UBE2F: variants seen among roughly 807,000 people sequenced by gnomAD.
UBE2F encodes the protein ubiquitin conjugating enzyme E2 F (putative).
UBE2F carries 5 observed loss-of-function variants against 29.6 expected under a neutral mutation model. That is an observed-to-expected ratio of 0.17 (90% confidence interval 0.09 to 0.36). The LOEUF is 0.36. UBE2F is among the 10% of genes least tolerant of loss of function. The pLI is 1.00. For missense variants in UBE2F, 141 were observed against 228.5 expected, an observed-to-expected ratio of 0.62 and a Z score of 2.47; for synonymous variants, 66 against 81.8, an observed-to-expected ratio of 0.81 and a Z score of 1.04.
chr2:238,042,382 CCTT>C lies in UBE2F; in HGVS notation c.*1050_*1052del, dbSNP rs1373758965. 1 of 152,270 alleles carries C rather than the reference CCTT, an allele frequency of 6.6e-6. No homozygotes were observed. The highest frequency in any genetic ancestry group is 1.5e-5 in the Non-Finnish European group (1 of 68,068). The allele number at this position is 152,270 out of a possible 1,614,324, so 9.4% of individuals were successfully genotyped here. ...GATGTCACTGAGACTGTACCTGTGG[CCTT>C]CTTCTGAGTTTGCTATGGCTCCAGG... is the stretch of plus-strand genomic sequence containing the variant. On this transcript the variant is annotated 3_prime_UTR_variant, in exon 10 of 10. Transcript: ENST00000272930.
chr2:238,038,474 G>A (rs1489448019), intron 9 of UBE2F, among the ~76,000 whole-genome samples: 2 of 152,214 alleles, frequency 1.3e-5, no homozygotes, highest in African/African-American at 4.8e-5. Flanking sequence ...ACCCCTTGCA[G>A]GCATTCATGG....
intron 2 of UBE2F, chr2:237,986,120 T>C (rs745975352): frequency 9.6e-5 from 34 of 353,410 alleles, no homozygotes; most frequent in Non-Finnish European, 1.5e-4. Flanking sequence ...TTTCTCCCAA[T>C]TCATAGACTA....
chr2:238,007,676 A>G (rs1009491559), intron 4 of UBE2F, among the ~76,000 whole-genome samples: 18 of 152,134 alleles, frequency 1.2e-4, no homozygotes, highest in African/African-American at 3.9e-4. Flanking sequence ...AATTACATTA[A>G]TAGATTATTT....
chr2:238,026,164 C>A (rs889229634), intron 6 of UBE2F, among the ~76,000 whole-genome samples: 1 of 152,226 alleles, frequency 6.6e-6, no homozygotes, highest in African/African-American at 2.4e-5. Flanking sequence ...CGCCCCCACC[C>A]CTGCCCGGCT....
chr2:237,974,767 G>A (rs866131478), intron 2 of UBE2F, among the ~76,000 whole-genome samples: 9 of 147,782 alleles, frequency 6.1e-5, no homozygotes, highest in Admixed American at 5.4e-4. Flanking sequence ...CGCCCGCCTC[G>A]GCCTCCCAAA....
chr2:237,993,261 C>G (rs1576604727), intron 3 of UBE2F, among the ~76,000 whole-genome samples: 1 of 152,178 alleles, frequency 6.6e-6, no homozygotes, highest in African/African-American at 2.4e-5. Flanking sequence ...TCTGGGATTA[C>G]AGACATGATC....
intron 5 of UBE2F, among the ~76,000 whole-genome samples, chr2:238,023,120 T>C (rs2064334113): frequency 6.6e-6 from 1 of 152,122 alleles, no homozygotes; most frequent in African/African-American, 2.4e-5. Context: ...AGTTTGCCAA[T>C]TTTCTAGGTT....
At chr2:238,032,194 T>A (rs200880229) in intron 7 of UBE2F, 28 bp from the exon 8 acceptor site, 158 of 1,606,726 alleles carry the variant, frequency 9.8e-5, no homozygotes, top group Admixed American at 1.7e-4. Flanking sequence ...GGCTTAAAAC[T>A]TGTTTTCTGT....
chr2:238,014,152 G>C (rs573644684), intron 4 of UBE2F, among the ~76,000 whole-genome samples: 1 of 152,338 alleles, frequency 6.6e-6, no homozygotes, highest in Non-Finnish European at 1.5e-5. Context: ...TTGTAAATAA[G>C]AGATGCTCTT....
At chr2:238,013,239 T>C (rs2064080966) in intron 4 of UBE2F, among the ~76,000 whole-genome samples, 1 of 151,928 alleles carries the variant, frequency 6.6e-6, no homozygotes, top group East Asian at 1.9e-4. Flanking sequence ...GCCTGAGCAA[T>C]TGAATGAGAC....
chr2:238,015,170 C>T (rs1048407292), intron 4 of UBE2F, among the ~76,000 whole-genome samples: 1 of 152,156 alleles, frequency 6.6e-6, no homozygotes, highest in Non-Finnish European at 1.5e-5. Context: ...CTTTTCTAAG[C>T]ATGACCCCAA....
chr2:237,994,409 C>T (rs1393720083), intron 3 of UBE2F, among the ~76,000 whole-genome samples: 1 of 152,106 alleles, frequency 6.6e-6, no homozygotes, highest in Non-Finnish European at 1.5e-5. Context: ...GTATTAATCT[C>T]CCTGAGATAT....
At chr2:238,039,775 G>C (rs2064799546) in intron 9 of UBE2F, among the ~76,000 whole-genome samples, 1 of 152,234 alleles carries the variant, frequency 6.6e-6, no homozygotes, top group Non-Finnish European at 1.5e-5. Flanking sequence ...TGGACGCCGG[G>C]CTCTATGCTG....
chr2:238,004,679 G>T (rs909454048), intron 4 of UBE2F, among the ~76,000 whole-genome samples: 2 of 152,110 alleles, frequency 1.3e-5, no homozygotes, highest in Non-Finnish European at 2.9e-5. Flanking sequence ...TGGCAAAAGG[G>T]AATTAGAGTT....
chr2:237,972,546 T>C (rs71414319), intron 1 of UBE2F, among the ~76,000 whole-genome samples: 46 of 126,348 alleles, frequency 3.6e-4, no homozygotes, highest in African/African-American at 1.3e-3. Context: ...TTTAAATTTT[T>C]TTTTTTTTTT....
intron 5 of UBE2F, among the ~76,000 whole-genome samples, chr2:238,018,017 A>C (rs1285238775): frequency 6.6e-6 from 1 of 152,154 alleles, no homozygotes; most frequent in Non-Finnish European, 1.5e-5. Flanking sequence ...ATTTATGGGG[A>C]TAGGGAAGAG....
intron 3 of UBE2F, among the ~76,000 whole-genome samples, chr2:237,988,492 TGTAGCCCC>T (rs2063524661): frequency 1.3e-5 from 2 of 151,870 alleles, no homozygotes; most frequent in Non-Finnish European, 2.9e-5. Context: ...GCTGCATCAC[TGTAGCCCC>T]AGCTACTCGG....
At chr2:238,010,816 GATGCCAACTTGAAATCTC>G (rs2064005710) in intron 4 of UBE2F, among the ~76,000 whole-genome samples, 2 of 152,132 alleles carry the variant, frequency 1.3e-5, no homozygotes, top group South Asian at 4.2e-4. Context: ...CCTCCACTGG[GATGCCAACTTGAAATCTC>G]AAGTTAATGT....
intron 4 of UBE2F, among the ~76,000 whole-genome samples, chr2:238,002,063 A>T (rs1466900406): frequency 4.8e-5 from 6 of 126,182 alleles, no homozygotes; most frequent in South Asian, 2.4e-4. Flanking sequence ...GAATATCCCA[A>T]TTTTTTTTTT....
Sources: allele counts gnomAD v4.1 joint callset (sites outside exome capture counted in the v4.1 genomes callset), GRCh38; gene constraint gnomAD v4.1.1; transcripts MANE v1.5; gene names NCBI Gene and HGNC (gene_info 2026-07-23, HGNC 2026-07-21).